The following DSTN variants were observed in gnomAD, a reference collection of about 807,000 sequenced individuals.
The protein encoded by DSTN is destrin, actin depolymerizing factor.
A neutral mutation model predicts 16.8 loss-of-function variants in DSTN; 10 were observed. The ratio of observed to expected loss-of-function variants is 0.60; its 90% confidence interval spans 0.37 to 1.01. DSTN has a LOEUF of 1.01. Among genes scored for constraint, DSTN ranks in the 50% least tolerant of loss-of-function variants. DSTN has a pLI of 0.01. For synonymous variants in DSTN, 57 were observed against 58.9 expected (o/e 0.97, Z 0.14); for missense variants, 141 against 196.7 (o/e 0.72, Z 1.69).
chr20:17,583,569 T>C (rs2035369586), intron 1 of DSTN, among the ~76,000 whole-genome samples: 1 of 150,292 alleles, frequency 6.7e-6, no homozygotes, highest in African/African-American at 2.4e-5. Context: ...GAAAATATGC[T>C]AAGTGAAAGA....
chr20:17,578,594 T>G (rs531224355), intron 1 of DSTN, among the ~76,000 whole-genome samples: 5 of 152,276 alleles, frequency 3.3e-5, no homozygotes, highest in Admixed American at 2.0e-4. Context: ...TCCTTAAAAA[T>G]GAAACCGTGG....
At chr20:17,571,704 G>A (rs1407195) in intron 1 of DSTN, among the ~76,000 whole-genome samples, 73,062 of 152,042 alleles carry the variant, frequency 0.48, 20,249 homozygotes, top group East Asian at 0.76. Context: ...TTGACATTAT[G>A]CTTTTTTATT....
rs376749209 is a variant in DSTN, at chr20:17,603,233, A to G, written c.312-1322A>G. Among the ~76,000 whole-genome samples, 54 of 152,274 alleles carry G rather than the reference A, an allele frequency of 3.5e-4. 1 individual carries two copies. The highest frequency in any genetic ancestry group is 2.3e-3 in the Admixed American group (35 of 15,294). On this transcript the variant is annotated intron_variant, in intron 2 of 3. Transcript: ENST00000246069. ...ACATGCCAGTGCTCATGGCTGTTGA[A>G]TGTCCTGGAAATATGGCAGCTAAAT...
At chr20:17,582,077 AT>A (rs35744527) in intron 1 of DSTN, among the ~76,000 whole-genome samples, 33,683 of 126,348 alleles carry the variant, frequency 0.27, 3,350 homozygotes, top group East Asian at 0.49. Flanking sequence ...TGAAATATAC[AT>A]TTTTTTTTTT....
chr20:17,597,416 TA>T (rs2035538184), intron 1 of DSTN, among the ~76,000 whole-genome samples: 1 of 152,228 alleles, frequency 6.6e-6, no homozygotes, highest in South Asian at 2.1e-4. Flanking sequence ...GATCTTAGTG[TA>T]TCTTTCTCCC....
At chr20:17,570,239 G>T in intron 1 of DSTN, 28 bp downstream of exon 1, 1 of 1,492,000 alleles carries the variant, frequency 6.7e-7, no homozygotes, top group Non-Finnish European at 8.9e-7. Context: ...CGAGGCGTGG[G>T]CCGAGGCGGC....
chr20:17,570,361 G>A, intron 1 of DSTN, 150 bp downstream of exon 1: 1 of 1,129,774 alleles, frequency 8.9e-7, no homozygotes, highest in Non-Finnish European at 1.2e-6. Flanking sequence ...CGGGTGAGGG[G>A]GGGTCTCTGG....
intron 1 of DSTN, among the ~76,000 whole-genome samples, chr20:17,597,930 AAT>A (rs2035545685): frequency 1.3e-5 from 2 of 152,228 alleles, no homozygotes; most frequent in African/African-American, 2.4e-5. Context: ...ATTGCATATA[AAT>A]AGAATCATGC....
At chr20:17,574,743 AAAAAT>A (rs1250954804) in intron 1 of DSTN, among the ~76,000 whole-genome samples, 5 of 149,686 alleles carry the variant, frequency 3.3e-5, no homozygotes, top group Middle Eastern at 3.5e-3. Flanking sequence ...AAAAAAAAAA[AAAAAT>A]TAAAAGTCTA....
chr20:17,588,609 G>A (rs985647293), intron 1 of DSTN, among the ~76,000 whole-genome samples: 14 of 152,006 alleles, frequency 9.2e-5, no homozygotes, highest in East Asian at 1.9e-4. Flanking sequence ...GTGAAACCCC[G>A]TCTCTACTAA....
intron 1 of DSTN, among the ~76,000 whole-genome samples, chr20:17,577,421 G>A (rs531148161): frequency 6.6e-6 from 1 of 152,078 alleles, no homozygotes; most frequent in African/African-American, 2.4e-5. Flanking sequence ...TACAAAATTA[G>A]CCAGGCATGG....
At chr20:17,595,454 G>C (rs1009459445) in intron 1 of DSTN, among the ~76,000 whole-genome samples, 1 of 152,048 alleles carries the variant, frequency 6.6e-6, no homozygotes, top group African/African-American at 2.4e-5. Context: ...TCTCCCATCT[G>C]TGCTGTGGAT....
intron 1 of DSTN, among the ~76,000 whole-genome samples, chr20:17,575,856 GT>G (rs1226103072): frequency 6.6e-6 from 1 of 152,060 alleles, no homozygotes; most frequent in African/African-American, 2.4e-5. Context: ...TACTTCTCTT[GT>G]GGCATAACAT....
intron 3 of DSTN, 139 bp from the exon 4 acceptor site, chr20:17,606,898 G>A (rs937141132): frequency 3.7e-5 from 24 of 647,878 alleles, no homozygotes; most frequent in African/African-American, 2.6e-4. Flanking sequence ...ATTTTTTCTC[G>A]TTACTGTGTA....
intron 1 of DSTN, among the ~76,000 whole-genome samples, chr20:17,591,755 T>G (rs974949758): frequency 6.6e-6 from 1 of 152,224 alleles, no homozygotes; most frequent in African/African-American, 2.4e-5. Flanking sequence ...GGAACAAATT[T>G]AATTCAGAGA....
intron 1 of DSTN, among the ~76,000 whole-genome samples, chr20:17,578,961 CAAAAAAAA>C (rs59600009): frequency 1.1e-4 from 9 of 81,412 alleles, no homozygotes; most frequent in African/African-American, 3.7e-4. Context: ...AATTCCATCT[CAAAAAAAA>C]AAAAAAAAAA....
chr20:17,588,082 C>T (rs1318887912), intron 1 of DSTN, among the ~76,000 whole-genome samples: 1 of 152,182 alleles, frequency 6.6e-6, no homozygotes, highest in Non-Finnish European at 1.5e-5. Context: ...CTTCTTTCCC[C>T]TCCAGGCACG....
intron 2 of DSTN, among the ~76,000 whole-genome samples, chr20:17,602,201 G>A (rs758773951): frequency 2.0e-5 from 3 of 152,198 alleles, no homozygotes; most frequent in African/African-American, 4.8e-5. Flanking sequence ...CAGGGTGCAC[G>A]TATTCAGGCA....
chr20:17,607,048 G>C lies in DSTN; in HGVS notation c.400G>C (p.Glu134Gln). 2 of 1,613,868 alleles carry C rather than the reference G, an allele frequency of 1.2e-6. No homozygotes were observed. The highest frequency in any genetic ancestry group is 2.2e-5 in the South Asian group (2 of 91,002). The change falls in exon 4 of 4, where the codon GAA becomes CAA. Residue 134 changes from glutamate (E) to glutamine (Q), a missense_variant. Transcript: ENST00000246069. ...TTTTTTCTCTCTAGGCATAAAACAT[G>C]AATGTCAAGCAAATGGACCAGAAGA... The part of the protein sequence containing the change: ...IKKKFQGIKH[E>Q]CQANGPEDLN...
Sources: allele counts gnomAD v4.1 joint callset (sites outside exome capture counted in the v4.1 genomes callset), GRCh38; gene constraint gnomAD v4.1.1; transcripts MANE v1.5; gene names NCBI Gene and HGNC (gene_info 2026-07-23, HGNC 2026-07-21).